Variants in RBM26 observed in about 807,000 individuals in gnomAD.
The protein encoded by RBM26 is RNA binding motif protein 26.
A neutral mutation model predicts 123.6 loss-of-function variants in RBM26; 30 were observed. That is an observed-to-expected ratio of 0.24 (90% confidence interval 0.18 to 0.33). The LOEUF (loss-of-function observed/expected upper bound fraction) is 0.33. RBM26 is among the 10% of genes least tolerant of loss of function. The pLI, the probability that RBM26 is intolerant of heterozygous loss-of-function variation, is 1.00. For missense variants in RBM26, 947 were observed against 1,203.6 expected (o/e 0.79, Z 3.15); for synonymous variants, 400 against 404.4 (o/e 0.99, Z 0.13).
chr13:79,334,245 T>C, intron 20 of RBM26, 99 bp downstream of exon 20: 1 of 655,610 alleles, frequency 1.5e-6, no homozygotes, highest in Non-Finnish European at 2.6e-6. Context: ...TGTCAAAGCA[T>C]ATTATTTAGT....
At chr13:79,367,549 G>A (rs1204926807) in intron 6 of RBM26, among the ~76,000 whole-genome samples, 2 of 151,646 alleles carry the variant, frequency 1.3e-5, no homozygotes, top group Non-Finnish European at 2.9e-5. Context: ...CCCTCCCAAG[G>A]TAACAAGTGA....
At chr13:79,396,068 T>C (rs1267707253) in intron 1 of RBM26, among the ~76,000 whole-genome samples, 2 of 152,098 alleles carry the variant, frequency 1.3e-5, no homozygotes, top group South Asian at 2.1e-4. Context: ...TAAAAGGAAT[T>C]GAATCTTAAA....
chr13:79,373,367 A>G (rs1414105277), intron 3 of RBM26, among the ~76,000 whole-genome samples: 3 of 104,906 alleles, frequency 2.9e-5, no homozygotes, highest in Non-Finnish European at 5.2e-5. Context: ...ATATAAATAT[A>G]TAATATATAT....
intron 18 of RBM26, among the ~76,000 whole-genome samples, chr13:79,339,502 T>G (rs2071020195): frequency 6.6e-6 from 1 of 152,154 alleles, no homozygotes; most frequent in African/African-American, 2.4e-5. Flanking sequence ...TACACATATA[T>G]CAAAACATTT....
intron 14 of RBM26, among the ~76,000 whole-genome samples, chr13:79,346,397 G>A (rs1227810683): frequency 6.6e-6 from 1 of 152,064 alleles, no homozygotes; most frequent in Non-Finnish European, 1.5e-5. Flanking sequence ...TTATATTTGT[G>A]AGACAGGGTC....
chr13:79,336,859 T>G (rs1365125294), intron 19 of RBM26, among the ~76,000 whole-genome samples: 1 of 152,210 alleles, frequency 6.6e-6, no homozygotes, highest in African/African-American at 2.4e-5. Flanking sequence ...CAGCAAAGTT[T>G]ATATTGTTCA....
chr13:79,391,135 A>G lies in RBM26; in HGVS notation c.72-12228T>C, dbSNP rs1379276794. Among the ~76,000 whole-genome samples the G allele has an allele frequency of 4.6e-5, 7 of 152,204 alleles. No individual in the cohort carries two copies. The East Asian group carries it at 1.3e-3, about 29-fold the overall frequency. On this transcript the variant is annotated intron_variant, in intron 1 of 21. Transcript: ENST00000438737. ...GATCATAAAGGACATGGATGATACT[A>G]CTTGAGAAAATACAGTGACTGGTTT...
chr13:79,387,980 G>C (rs550604198), intron 1 of RBM26, among the ~76,000 whole-genome samples: 10 of 152,146 alleles, frequency 6.6e-5, no homozygotes, highest in Admixed American at 3.3e-4. Flanking sequence ...CTTTTCCCTA[G>C]AACAAATCAC....
intron 1 of RBM26, among the ~76,000 whole-genome samples, chr13:79,380,671 A>G (rs2077006218): frequency 6.6e-6 from 1 of 152,074 alleles, no homozygotes; most frequent in Non-Finnish European, 1.5e-5. Context: ...ATCTGAAAAT[A>G]TATAATAAAT....
At position 79,337,177 on chromosome 13, in the gene RBM26, C is replaced by T; in HGVS notation, c.2658G>A (p.Val886=). 1.2e-6 allele frequency: 2 copies of T among 1,614,098 alleles called. No individual in the cohort carries two copies. The highest frequency in any genetic ancestry group is 1.7e-6 in the Non-Finnish European group (2 of 1,180,008). Residue 886 remains valine (V), a synonymous_variant, in exon 19 of 22, where the codon GTG becomes GTA. Coordinates refer to ENST00000438737, the MANE Select transcript of RBM26 (RefSeq NM_001366735.2). ...RGRGVPGHAV[V]DHRPRALEIS... ...TCTCCAATGCCCTGGGACGGTGATC[C>T]ACCACAGCATGACCAGGCACACCTC...
rs2069911255 is a variant in RBM26 at position 79,334,171 on chromosome 13, T to C, written c.2820+173A>G. ...TAATTGTATTATGTTACACACAGAATTGCTTATAACTGCATTAGGACATTC... is the reference window on the plus strand; with the variant it reads ...TAATTGTATTATGTTACACACAGAACTGCTTATAACTGCATTAGGACATTC... On this transcript the variant is annotated intron_variant, in intron 20 of 21. Coordinates refer to ENST00000438737, the MANE Select transcript of RBM26 (RefSeq NM_001366735.2). Among the ~76,000 whole-genome samples the C allele has an allele frequency of 4.6e-5, 7 of 152,326 alleles. No homozygotes were observed. In the South Asian group the frequency reaches 1.2e-3, roughly 27 times the overall value.
chr13:79,353,136 C>G lies in RBM26; in HGVS notation c.2058+17G>C. The G allele has an allele frequency of 1.3e-6, 2 of 1,523,154 alleles. No individual in the cohort carries two copies. The highest frequency in any genetic ancestry group is 1.8e-6 in the Non-Finnish European group (2 of 1,116,550). 94.4% of individuals were successfully genotyped at this position (1,523,154 alleles called of 1,614,324 possible). A position where few individuals can be genotyped will look rare whatever the true frequency, so the allele number is the denominator to read the frequency against. ...ATTTATGAAGCCAAGACAAACACAT[C>G]ATGCTATTCTTCTTACCTTTTCAGT... On this transcript the variant is annotated intron_variant, in intron 14 of 21. Transcript: ENST00000438737.
chr13:79,366,551 TTTTAA>T (rs2075288061), intron 7 of RBM26, 77 bp downstream of exon 7: 3 of 1,396,806 alleles, frequency 2.1e-6, no homozygotes, highest in South Asian at 1.5e-5. Flanking sequence ...CTTTAGATAC[TTTTAA>T]TTTAAGAATC....
chr13:79,344,911 C>CACAGAAGG, intron 14 of RBM26, 117 bp from the exon 15 acceptor site: 1 of 877,762 alleles, frequency 1.1e-6, no homozygotes. Flanking sequence ...ACACACTGAA[C>CACAGAAGG]TAAATGTATT....
downstream of RBM26, among the ~76,000 whole-genome samples, chr13:79,315,335 A>G (rs2067047984): frequency 6.6e-6 from 1 of 151,922 alleles, no homozygotes; most frequent in Non-Finnish European, 1.5e-5. Flanking sequence ...AATCATGAAC[A>G]AATTCCAAGA....
At chr13:79,360,120 A>G (rs1036076807) in intron 9 of RBM26, among the ~76,000 whole-genome samples, 8 of 152,092 alleles carry the variant, frequency 5.3e-5, no homozygotes, top group Admixed American at 5.2e-4. Flanking sequence ...TTATTATAGT[A>G]TATTGTTATA....
intron 1 of RBM26, 124 bp downstream of exon 1, chr13:79,405,580 A>C: frequency 1.9e-6 from 1 of 526,890 alleles, no homozygotes; most frequent in Non-Finnish European, 3.2e-6. Flanking sequence ...GAAGCCACAG[A>C]ACCCTGGGAC....
In RBM26 at chr13:79,319,782, T is replaced by C. The variant is rs938027954; in HGVS notation, c.*839A>G. The C allele has an allele frequency of 5.1e-6, 5 of 978,982 alleles. No homozygotes were observed. Among genetic ancestry groups the C allele is most frequent in the Non-Finnish European group, 4.9e-6 (4 of 824,348 alleles). The allele number at this position is 978,982 out of a possible 1,614,324, so 60.6% of individuals were successfully genotyped here. A position where few individuals can be genotyped will look rare whatever the true frequency, so the allele number is the denominator to read the frequency against. ...TTTTTAAACATTGGATTGTACATTATTGTAAGGGTACCAGTAACCATTATT... is the reference window on the plus strand; with the variant it reads ...TTTTTAAACATTGGATTGTACATTACTGTAAGGGTACCAGTAACCATTATT... On this transcript the variant is annotated 3_prime_UTR_variant, in exon 22 of 22. Transcript: ENST00000438737.
chr13:79,342,021 T>C (rs988035802), intron 17 of RBM26, among the ~76,000 whole-genome samples: 1 of 151,878 alleles, frequency 6.6e-6, no homozygotes, highest in African/African-American at 2.4e-5. Flanking sequence ...TTGAGCTACT[T>C]TGAACGTATT....
Sources: allele counts gnomAD v4.1 joint callset (sites outside exome capture counted in the v4.1 genomes callset), GRCh38; gene constraint gnomAD v4.1.1; transcripts MANE v1.5; gene names NCBI Gene and HGNC (gene_info 2026-07-23, HGNC 2026-07-21).